The following ST3GAL1 variants were observed in gnomAD, a reference collection of about 807,000 sequenced individuals.
ST3GAL1 encodes the protein CMP-N-acetylneuraminate-beta-galactosamide-alpha-2,3-sialyltransferase 1.
A neutral mutation model predicts 34.1 loss-of-function variants in ST3GAL1; 16 were observed. The ratio of observed to expected loss-of-function variants is 0.47; its 90% confidence interval spans 0.32 to 0.71. ST3GAL1 has a LOEUF of 0.71. Ranked by LOEUF, ST3GAL1 falls within the 30% of genes least tolerant of loss-of-function variation. The pLI, the probability that ST3GAL1 is intolerant of heterozygous loss-of-function variation, is 0.04. For synonymous variants in ST3GAL1, 191 were observed against 184.7 expected, an observed-to-expected ratio of 1.03 and a Z score of -0.28; for missense variants, 353 against 447.4, an observed-to-expected ratio of 0.79 and a Z score of 1.90.
At chr8:133,527,941 AAAGTGGGCAGATCG>A (rs1483448409) in intron 2 of ST3GAL1, among the ~76,000 whole-genome samples, 2 of 152,010 alleles carry the variant, frequency 1.3e-5, no homozygotes, top group Non-Finnish European at 2.9e-5. Context: ...TTGGGAGGCC[AAAGTGGGCAGATCG>A]AAGTCAAGAG....
Position 133,467,897 on chromosome 8 carries a change from G to A in ST3GAL1, c.307-1807C>T, listed in dbSNP as rs1815803015. On this transcript the variant is annotated intron_variant, in intron 5 of 9. Coordinates refer to ENST00000522652, the MANE Select transcript of ST3GAL1 (RefSeq NM_173344.3). The surrounding 1 kb of genome is among the most constrained non-coding windows in gnomAD (Gnocchi z 4.2). Reference sequence around the variant, plus strand: ...CCTCTGGCTTAAGACCGTTAGACACGTCATGGGAAGCAACATGATCTGGAC... The same window carrying A: ...CCTCTGGCTTAAGACCGTTAGACACATCATGGGAAGCAACATGATCTGGAC... 2.0e-5 allele frequency among the ~76,000 whole-genome samples: 3 copies of A among 152,244 alleles called. No individual in the cohort carries two copies. The highest frequency in any genetic ancestry group is 3.4e-3 in the Middle Eastern group (1 of 294).
At position 133,506,833 on chromosome 8, in the gene ST3GAL1, C is replaced by A. The variant is rs569682684; in HGVS notation, c.-428-7644G>T. Among the ~76,000 whole-genome samples the A allele has an allele frequency of 5.1e-4, 76 of 150,148 alleles. 3 individuals are homozygous for A. The South Asian group carries it at 0.016, about 32-fold the overall frequency. ...GGCTGGGTGTGGTGGCTCACGCCTA[C>A]AATCCCAACACTTTGGGAGGCCGAG... is the stretch of plus-strand genomic sequence containing the variant. On this transcript the variant is annotated intron_variant, in intron 2 of 9. Coordinates refer to ENST00000522652, the MANE Select transcript of ST3GAL1 (RefSeq NM_173344.3).
chr8:133,519,398 GCC>G (rs2131024446), intron 2 of ST3GAL1, among the ~76,000 whole-genome samples: 1 of 152,252 alleles, frequency 6.6e-6, no homozygotes, highest in East Asian at 1.9e-4. Flanking sequence ...CACACCCTAG[GCC>G]CCAGCAATTC....
At chr8:133,543,204 A>G (rs993576852) in intron 2 of ST3GAL1, among the ~76,000 whole-genome samples, 6 of 152,220 alleles carry the variant, frequency 3.9e-5, no homozygotes, top group African/African-American at 1.4e-4. Context: ...AGGAAACATC[A>G]GAAAAGCCAA....
At chr8:133,561,846 T>C (rs1819233144) in intron 1 of ST3GAL1, among the ~76,000 whole-genome samples, 1 of 151,722 alleles carries the variant, frequency 6.6e-6, no homozygotes, top group Admixed American at 6.6e-5. Flanking sequence ...CAGTTCAGAG[T>C]GGGAAGGGTG....
intron 1 of ST3GAL1, among the ~76,000 whole-genome samples, chr8:133,565,462 C>G (rs993460897): frequency 6.6e-6 from 1 of 152,126 alleles, no homozygotes; most frequent in Non-Finnish European, 1.5e-5. Flanking sequence ...CTTCCCCTAC[C>G]GTGCCACTTC....
rs369561958 is a variant in ST3GAL1 at position 133,476,029 on chromosome 8, G to C, written c.-5C>G. On this transcript the variant is annotated 5_prime_UTR_variant, in exon 5 of 10. Coordinates refer to ENST00000522652, the MANE Select transcript of ST3GAL1 (RefSeq NM_173344.3). ...CCTCTTCCGCAGGGTCACCATCTTC[G>C]CAGTCCTGATGGTGGCCTCCCACGA... 3.8e-6 allele frequency: 6 copies of C among 1,570,784 alleles called. No individual in the cohort carries two copies. The highest frequency in any genetic ancestry group is 5.2e-6 in the Non-Finnish European group (6 of 1,156,394).
chr8:133,519,752 C>G (rs1817748105), intron 2 of ST3GAL1, among the ~76,000 whole-genome samples: 1 of 150,348 alleles, frequency 6.7e-6, no homozygotes, highest in Non-Finnish European at 1.5e-5. Flanking sequence ...TTGAGACCAA[C>G]CTGGCCAACA....
At chr8:133,502,538 C>T (rs1817214321) in intron 2 of ST3GAL1, among the ~76,000 whole-genome samples, 1 of 152,142 alleles carries the variant, frequency 6.6e-6, no homozygotes, top group South Asian at 2.1e-4. Context: ...GAGCCCTCAT[C>T]AGAAACCAAC....
rs142645518 is a variant in ST3GAL1 at position 133,491,628 on chromosome 8, C to T, written c.-374+7507G>A. ...GATTTTCAGGGGCATCCAGGAGGTG[C>T]CTGAAGGAGCTGAGGGGCAGCCTCT... On this transcript the variant is annotated intron_variant, in intron 3 of 9. Transcript: ENST00000522652. 1.8e-3 allele frequency among the ~76,000 whole-genome samples: 276 copies of T among 152,284 alleles called. 1 individual carries two copies. Among genetic ancestry groups the T allele is most frequent in the African/African-American group, 6.5e-3 (271 of 41,574 alleles).
intron 2 of ST3GAL1, among the ~76,000 whole-genome samples, chr8:133,518,169 G>A (rs1045776820): frequency 6.6e-6 from 1 of 152,200 alleles, no homozygotes; most frequent in Non-Finnish European, 1.5e-5. Flanking sequence ...AACAGATGCT[G>A]CCTGCCATCC....
intron 8 of ST3GAL1, 87 bp downstream of exon 8, chr8:133,463,327 G>C (rs1815583784): frequency 1.3e-6 from 2 of 1,496,232 alleles, no homozygotes; most frequent in South Asian, 1.2e-5. Flanking sequence ...TCTGGGGGCT[G>C]TCTTGCAACT....
chr8:133,517,973 T>C (rs891761989), intron 2 of ST3GAL1, among the ~76,000 whole-genome samples: 1 of 152,178 alleles, frequency 6.6e-6, no homozygotes, highest in Admixed American at 6.5e-5. Flanking sequence ...TCTCCTTTGG[T>C]TGGCACCTAG....
intron 8 of ST3GAL1, among the ~76,000 whole-genome samples, chr8:133,463,029 G>A (rs753851220): frequency 6.6e-6 from 1 of 152,260 alleles, no homozygotes; most frequent in Non-Finnish European, 1.5e-5. Context: ...GGAAGATGGA[G>A]ACATGGAAAG....
intron 2 of ST3GAL1, among the ~76,000 whole-genome samples, chr8:133,531,390 C>T (rs1818148918): frequency 6.6e-6 from 1 of 152,022 alleles, no homozygotes; most frequent in Non-Finnish European, 1.5e-5. Context: ...TAATATGTAC[C>T]TGGCTGTTCT....
At chr8:133,492,460 C>A (rs1816813967) in intron 3 of ST3GAL1, among the ~76,000 whole-genome samples, 1 of 152,216 alleles carries the variant, frequency 6.6e-6, no homozygotes, top group African/African-American at 2.4e-5. Flanking sequence ...GTGGCTCAAG[C>A]CTGTAATCCT....
intron 3 of ST3GAL1, among the ~76,000 whole-genome samples, chr8:133,497,750 G>A (rs867507698): frequency 4.3e-4 from 65 of 152,208 alleles, no homozygotes; most frequent in African/African-American, 1.4e-3. Context: ...TAGGATTACA[G>A]GCATGAACCA....
Position 133,461,637 on chromosome 8 carries a change from T to G in ST3GAL1, c.849+238A>C, listed in dbSNP as rs1047322544. On this transcript the variant is annotated intron_variant, in intron 9 of 9. Transcript: ENST00000522652. The surrounding 1 kb of genome is among the most constrained non-coding windows in gnomAD (Gnocchi z 4.7). ...ATCCGAGCTTCCACCACCACGGTCC[T>G]GGGCACTTACACAGAATGTGCCAGA... 6.6e-6 allele frequency among the ~76,000 whole-genome samples: 1 copy of G among 152,224 alleles called. No individual in the cohort carries two copies. The highest frequency in any genetic ancestry group is 2.4e-5 in the African/African-American group (1 of 41,456).
chr8:133,493,364 T>A (rs1297298957), intron 3 of ST3GAL1, among the ~76,000 whole-genome samples: 1 of 152,194 alleles, frequency 6.6e-6, no homozygotes, highest in African/African-American at 2.4e-5. Context: ...GGGACGGCGA[T>A]GGCAGAATGT....
Sources: allele counts gnomAD v4.1 joint callset (sites outside exome capture counted in the v4.1 genomes callset), GRCh38; gene constraint gnomAD v4.1.1; non-coding constraint Gnocchi (gnomAD v3.1); transcripts MANE v1.5; gene names NCBI Gene and HGNC (gene_info 2026-07-23, HGNC 2026-07-21).